Variants in RAD51B observed in about 807,000 individuals in gnomAD.
RAD51B encodes DNA repair protein RAD51 homolog 2.
Under a neutral mutation model 42.2 loss-of-function variants are expected in RAD51B, and 38 were observed. That is an observed-to-expected ratio of 0.90 (90% CI 0.70 to 1.18). RAD51B has a LOEUF of 1.18. Among genes scored for constraint, RAD51B ranks in the 50% most tolerant of loss-of-function variants. The pLI is 0.00. For missense variants in RAD51B, 373 were observed against 400.7 expected (o/e 0.93, Z 0.59); for synonymous variants, 154 against 145.2 (o/e 1.06, Z -0.43).
chr14:67,985,737 A>G (rs1463019576), intron 7 of RAD51B, among the ~76,000 whole-genome samples: 1 of 150,686 alleles, frequency 6.6e-6, no homozygotes, highest in Non-Finnish European at 1.5e-5. Flanking sequence ...CCACATCTCT[A>G]CAAAAAAAAA....
intron 8 of RAD51B, among the ~76,000 whole-genome samples, chr14:68,339,785 G>C (rs1319654803): frequency 2.0e-5 from 3 of 152,180 alleles, no homozygotes; most frequent in Admixed American, 6.5e-5. Context: ...GAAAATTAGA[G>C]AATTGGGAAA....
intron 7 of RAD51B, among the ~76,000 whole-genome samples, chr14:67,899,270 T>G (rs933584330): frequency 1.3e-5 from 2 of 151,750 alleles, no homozygotes; most frequent in South Asian, 2.1e-4. Context: ...AGGATGGTCT[T>G]GATCTCCTGA....
intron 10 of RAD51B, among the ~76,000 whole-genome samples, chr14:68,539,432 C>T (rs906069503): frequency 2.0e-5 from 3 of 152,202 alleles, no homozygotes; most frequent in Non-Finnish European, 4.4e-5. Context: ...CCGCCTGCCT[C>T]TCAGTCTGGA....
intron 8 of RAD51B, among the ~76,000 whole-genome samples, chr14:68,306,797 G>C (rs2081874904): frequency 6.6e-6 from 1 of 152,206 alleles, no homozygotes; most frequent in African/African-American, 2.4e-5. Context: ...TAGAGAAAGA[G>C]TGGGAGAATG....
chr14:67,851,599 G>T (rs2041809803), intron 4 of RAD51B, among the ~76,000 whole-genome samples: 1 of 152,110 alleles, frequency 6.6e-6, no homozygotes, highest in African/African-American at 2.4e-5. Context: ...GGGGGCAGCA[G>T]GGGTGGCCAC....
chr14:68,370,426 G>A (rs748337678), intron 8 of RAD51B, among the ~76,000 whole-genome samples: 7 of 152,190 alleles, frequency 4.6e-5, no homozygotes, highest in Non-Finnish European at 8.8e-5. Context: ...TAAGTTGACT[G>A]GAGAGGGCTA....
chr14:68,352,781 T>C (rs1283395322), intron 8 of RAD51B, among the ~76,000 whole-genome samples: 3 of 152,226 alleles, frequency 2.0e-5, no homozygotes, highest in Admixed American at 2.0e-4. Flanking sequence ...ATAAATTCCC[T>C]GAGGTTCTTC....
At chr14:68,594,320 AC>A (rs1002420084) in intron 10 of RAD51B, among the ~76,000 whole-genome samples, 41 of 152,002 alleles carry the variant, frequency 2.7e-4, no homozygotes, top group Admixed American at 3.9e-4. Flanking sequence ...CTTCTTCCCC[AC>A]CCGCATTCTT....
chr14:68,299,676 G>T (rs1485745966), intron 8 of RAD51B, among the ~76,000 whole-genome samples: 1 of 152,114 alleles, frequency 6.6e-6, no homozygotes, highest in African/African-American at 2.4e-5. Context: ...GGCTTAGAAG[G>T]CTACACAATT....
intron 10 of RAD51B, among the ~76,000 whole-genome samples, chr14:68,650,551 C>T (rs1158699753): frequency 6.6e-6 from 1 of 152,168 alleles, no homozygotes; most frequent in Non-Finnish European, 1.5e-5. Context: ...TACTCAGACA[C>T]CTCACTATCT....
At chr14:68,184,615 A>AC (rs1566712658) in intron 7 of RAD51B, among the ~76,000 whole-genome samples, 2 of 59,414 alleles carry the variant, frequency 3.4e-5, no homozygotes, top group Non-Finnish European at 8.1e-5. Context: ...GTCTAAAAAA[A>AC]AAAAAAAACC....
intron 7 of RAD51B, among the ~76,000 whole-genome samples, chr14:67,890,378 G>T (rs1039507030): frequency 1.3e-5 from 2 of 151,764 alleles, no homozygotes; most frequent in Non-Finnish European, 2.9e-5. Context: ...TGCCAGTTTG[G>T]GGATTTTTTT....
intron 5 of RAD51B, among the ~76,000 whole-genome samples, chr14:67,872,885 T>C (rs1356841068): frequency 6.6e-6 from 1 of 152,116 alleles, no homozygotes; most frequent in African/African-American, 2.4e-5. Context: ...TGGCTAGCCA[T>C]ATATAGAAAG....
chr14:67,848,010 A>G (rs1439087411), intron 4 of RAD51B, among the ~76,000 whole-genome samples: 2 of 151,962 alleles, frequency 1.3e-5, no homozygotes, highest in African/African-American at 4.8e-5. Flanking sequence ...TTCCTGTTGG[A>G]TTGTACACTT....
chr14:68,129,666 A>G (rs963387189), intron 7 of RAD51B, among the ~76,000 whole-genome samples: 3 of 152,260 alleles, frequency 2.0e-5, no homozygotes, highest in Non-Finnish European at 2.9e-5. Context: ...GGTCATCTAT[A>G]GAAGCATGGA....
intron 10 of RAD51B, among the ~76,000 whole-genome samples, chr14:68,589,252 C>T (rs1016260225): frequency 6.6e-6 from 1 of 152,154 alleles, no homozygotes; most frequent in East Asian, 1.9e-4. Context: ...GAGCCTTGAA[C>T]GACTAGCCTC....
rs58771966 is a variant in RAD51B at position 68,041,972 on chromosome 14, T to C, written c.756+154768T>C. Reference sequence around the variant, plus strand: ...CATGAAAGCAATCTTCTGGAAACAGTCAAAGTGCTGGGAATTTGATGGTTG... The same window carrying C: ...CATGAAAGCAATCTTCTGGAAACAGCCAAAGTGCTGGGAATTTGATGGTTG... On this transcript the variant is annotated intron_variant, in intron 7 of 10. Transcript: ENST00000471583. Among the ~76,000 whole-genome samples, 109 of 152,270 alleles carry C rather than the reference T, an allele frequency of 7.2e-4. 1 individual carries two copies. The highest frequency in any genetic ancestry group is 2.6e-3 in the African/African-American group (109 of 41,552).
chr14:68,052,835 G>A (rs1326507845), intron 7 of RAD51B, among the ~76,000 whole-genome samples: 2 of 150,380 alleles, frequency 1.3e-5, no homozygotes, highest in East Asian at 1.9e-4. Context: ...GTTTCACCAC[G>A]TTGGCCAGCC....
chr14:67,964,440 A>G (rs887023075), intron 7 of RAD51B, among the ~76,000 whole-genome samples: 1 of 152,212 alleles, frequency 6.6e-6, no homozygotes, highest in African/African-American at 2.4e-5. Flanking sequence ...CAGGCAGCCA[A>G]AGGGGAAGGG....
Sources: allele counts gnomAD v4.1 joint callset (sites outside exome capture counted in the v4.1 genomes callset), GRCh38; gene constraint gnomAD v4.1.1; transcripts MANE v1.5; gene names NCBI Gene and HGNC (gene_info 2026-07-23, HGNC 2026-07-21).